TRPM7: variants seen among roughly 807,000 people sequenced by gnomAD.
TRPM7 encodes the protein transient receptor potential cation channel subfamily M member 7, also known as LTRPC ion channel family member 7.
In TRPM7, 134 loss-of-function variants were observed where a neutral mutation model predicts 229.7. The observed-to-expected ratio is 0.58, with a 90% CI of 0.51 to 0.67. TRPM7 has a LOEUF of 0.67. Ranked by LOEUF, TRPM7 falls within the 30% of genes least tolerant of loss-of-function variation. The pLI is 0.00. For missense variants in TRPM7, 1,901 were observed against 2,210.0 expected, an observed-to-expected ratio of 0.86 and a Z score of 2.80; for synonymous variants, 699 against 715.2, an observed-to-expected ratio of 0.98 and a Z score of 0.36.
intron 31 of TRPM7, among the ~76,000 whole-genome samples, chr15:50,578,069 G>C (rs151103584): frequency 6.6e-6 from 1 of 152,138 alleles, no homozygotes; most frequent in African/African-American, 2.4e-5. Context: ...TTAGGGGCAG[G>C]GACTATAAGA....
intron 28 of TRPM7, 89 bp downstream of exon 28, chr15:50,586,303 C>A: frequency 1.2e-6 from 1 of 836,278 alleles, no homozygotes; most frequent in Non-Finnish European, 1.9e-6. Flanking sequence ...CTGCACCATT[C>A]ACTGCTCATG....
chr15:50,592,459 T>C lies in TRPM7; in HGVS notation c.3776A>G (p.Lys1259Arg), dbSNP rs1172088873. The C allele has an allele frequency of 1.2e-5, 19 of 1,614,072 alleles. No individual in the cohort carries two copies. Among genetic ancestry groups the C allele is most frequent in the Admixed American group, 3.3e-5 (2 of 60,004 alleles). Residue 1259 changes from lysine to arginine, a missense_variant, in exon 26 of 39, where the codon AAA becomes AGA. By Grantham distance (26) the Lys-to-Arg change is conservative. Around this residue, in one of 8 missense-constraint regions of TRPM7, gnomAD observed 533 missense variants for 497.1 expected, o/e 1.07. Coordinates refer to ENST00000646667, the MANE Select transcript of TRPM7 (RefSeq NM_017672.6). ...TTCTCGTGTGATTTCATTATGAACT[T>C]TGCTAGCTTCCGACGCTTTCTGGGC... is the stretch of plus-strand genomic sequence containing the variant. ...LTAQKASEAS[K>R]VHNEITRELS...
intron 4 of TRPM7, among the ~76,000 whole-genome samples, chr15:50,647,741 C>CA (rs962319219): frequency 2.4e-4 from 35 of 146,300 alleles, no homozygotes; most frequent in South Asian, 1.7e-3. Flanking sequence ...GACACCATCT[C>CA]AAAAAAAAAA....
intron 13 of TRPM7, among the ~76,000 whole-genome samples, chr15:50,615,163 C>CAAAA (rs71124383): frequency 2.3e-4 from 22 of 94,546 alleles, no homozygotes; most frequent in Non-Finnish European, 4.5e-4. Context: ...GACTTTGTCT[C>CAAAA]AAAAAAAAAA....
At position 50,600,453 on chromosome 15, in the gene TRPM7, G is replaced by A. The variant is rs560574688; in HGVS notation, c.2989-1157C>T. The stretch of plus-strand genomic sequence containing the variant: ...CTCCATCTTAAAAAAAAAAAAAAAA[G>A]GGAATATACATATAAAAAAGTGAAT... On this transcript the variant is annotated intron_variant, in intron 21 of 38. Transcript: ENST00000646667. Among the ~76,000 whole-genome samples the A allele has an allele frequency of 2.8e-4, 41 of 145,332 alleles. 1 individual carries two copies. In the East Asian group the frequency reaches 6.6e-3, roughly 24 times the overall value.
intron 3 of TRPM7, among the ~76,000 whole-genome samples, chr15:50,650,650 G>A (rs570849625): frequency 2.6e-5 from 4 of 152,028 alleles, no homozygotes; most frequent in South Asian, 2.1e-4. Flanking sequence ...AGCCGAGATC[G>A]TGCCACTGCA....
chr15:50,583,230 A>C, intron 28 of TRPM7, 71 bp from the exon 29 acceptor site: 1 of 1,091,698 alleles, frequency 9.2e-7, no homozygotes, highest in South Asian at 1.4e-5. Context: ...AACCAAACAC[A>C]AAGTATTCTA....
chr15:50,631,369 T>C (rs747411523), intron 10 of TRPM7, 48 bp downstream of exon 10: 3 of 1,163,796 alleles, frequency 2.6e-6, no homozygotes, highest in Admixed American at 3.7e-5. Context: ...CACATATACA[T>C]ACATAAAATA....
chr15:50,649,179 G>C (rs572835259), intron 3 of TRPM7, among the ~76,000 whole-genome samples: 1 of 152,040 alleles, frequency 6.6e-6, no homozygotes, highest in Non-Finnish European at 1.5e-5. Context: ...TGGCTCACGC[G>C]GGTAATCCCA....
At chr15:50,620,788 C>T (rs1301544561) in intron 12 of TRPM7, among the ~76,000 whole-genome samples, 2 of 151,984 alleles carry the variant, frequency 1.3e-5, no homozygotes, top group South Asian at 2.1e-4. Context: ...CAAAATTAGC[C>T]GGGTGTGGTG....
At chr15:50,563,004 T>C (rs540185264) in intron 38 of TRPM7, among the ~76,000 whole-genome samples, 27 of 152,306 alleles carry the variant, frequency 1.8e-4, no homozygotes, top group African/African-American at 6.5e-4. Flanking sequence ...GGACTTAGTG[T>C]GCTTTGCGAA....
At chr15:50,683,507 G>C (rs184510029) in intron 1 of TRPM7, among the ~76,000 whole-genome samples, 1 of 151,674 alleles carries the variant, frequency 6.6e-6, no homozygotes, top group African/African-American at 2.4e-5. Flanking sequence ...GGCCGAGGCG[G>C]GTGGATCACC....
intron 15 of TRPM7, among the ~76,000 whole-genome samples, chr15:50,613,197 T>C (rs2060111085): frequency 6.6e-6 from 1 of 152,196 alleles, no homozygotes; most frequent in Non-Finnish European, 1.5e-5. Flanking sequence ...ATTTGGTTAT[T>C]ATCATACCTA....
intron 1 of TRPM7, among the ~76,000 whole-genome samples, chr15:50,684,099 T>G (rs1176211130): frequency 6.6e-6 from 1 of 151,600 alleles, no homozygotes; most frequent in African/African-American, 2.4e-5. Context: ...TGATCCGGGA[T>G]CAGCCTGTCG....
chr15:50,619,668 ATTTT>A (rs34352984), intron 13 of TRPM7, 73 bp downstream of exon 13: 9 of 1,159,068 alleles, frequency 7.8e-6, no homozygotes, highest in African/African-American at 3.2e-5. Flanking sequence ...TATTTAAATG[ATTTT>A]TTTTTTAAAA....
chr15:50,563,811 T>A (rs533272744), intron 38 of TRPM7, among the ~76,000 whole-genome samples: 53 of 152,308 alleles, frequency 3.5e-4, no homozygotes, highest in African/African-American at 5.8e-4. Flanking sequence ...TGCATTTTTT[T>A]AAGCTCATCA....
chr15:50,635,520 G>A (rs1038007438), intron 7 of TRPM7, among the ~76,000 whole-genome samples: 5 of 150,508 alleles, frequency 3.3e-5, no homozygotes, highest in East Asian at 2.0e-4. Flanking sequence ...AAAAGTAGCC[G>A]GGCATGGTGG....
At chr15:50,618,006 G>A (rs999801712) in intron 13 of TRPM7, among the ~76,000 whole-genome samples, 2 of 151,938 alleles carry the variant, frequency 1.3e-5, no homozygotes, top group African/African-American at 4.8e-5. Context: ...AGTAAAAGCT[G>A]AAATAAATAA....
intron 12 of TRPM7, among the ~76,000 whole-genome samples, chr15:50,621,606 G>A (rs746503035): frequency 6.6e-6 from 1 of 152,114 alleles, no homozygotes; most frequent in Non-Finnish European, 1.5e-5. Flanking sequence ...GAGGCTTTTT[G>A]ATGTGTGATA....
Sources: gnomAD v4.1 joint callset for allele counts (sites outside exome capture counted in the v4.1 genomes callset) on GRCh38, gnomAD v4.1.1 for gene constraint, gnomAD v4.1.1 regional missense constraint, MANE v1.5 for transcripts, NCBI Gene and HGNC (gene_info 2026-07-23, HGNC 2026-07-21) for gene names.